MBD5: variants seen among roughly 807,000 people sequenced by gnomAD.
MBD5 encodes the protein methyl-CpG binding domain protein 5.
A neutral mutation model predicts 117.3 loss-of-function variants in MBD5; 13 were observed. The ratio of observed to expected loss-of-function variants is 0.11; its 90% CI spans 0.07 to 0.18. The LOEUF is 0.18. MBD5 is among the 10% of genes least tolerant of loss of function. The pLI is 1.00. For missense variants in MBD5, 1,879 were observed against 2,093.8 expected, an observed-to-expected ratio of 0.90 and a Z score of 2.00; for synonymous variants, 727 against 766.4, an observed-to-expected ratio of 0.95 and a Z score of 0.85.
At chr2:148,062,069 C>T (rs1281824629) in intron 1 of MBD5, 1 of 151,682 alleles carries the variant, frequency 6.6e-6, no homozygotes, top group African/African-American at 2.4e-5. Context: ...GTCATGATGT[C>T]TGAAAATATT....
At chr2:148,162,535 A>T (rs1698031183) in intron 1 of MBD5, among the ~76,000 whole-genome samples, 1 of 152,212 alleles carries the variant, frequency 6.6e-6, no homozygotes, top group African/African-American at 2.4e-5. Flanking sequence ...TTTGAGATTT[A>T]AAATATTTAG....
At chr2:148,245,204 G>C (rs1700307998) in intron 3 of MBD5, among the ~76,000 whole-genome samples, 1 of 152,114 alleles carries the variant, frequency 6.6e-6, no homozygotes, top group Non-Finnish European at 1.5e-5. Flanking sequence ...GGGAAACATA[G>C]TGAGACCCTG....
At chr2:148,372,781 T>A (rs1164078537) in intron 4 of MBD5, among the ~76,000 whole-genome samples, 1 of 151,984 alleles carries the variant, frequency 6.6e-6, no homozygotes, top group Admixed American at 6.6e-5. Flanking sequence ...TATAGTGGGC[T>A]CAAGAAACTC....
intron 2 of MBD5, among the ~76,000 whole-genome samples, chr2:148,214,750 T>G (rs1396952539): frequency 6.6e-6 from 1 of 152,122 alleles, no homozygotes; most frequent in East Asian, 1.9e-4. Flanking sequence ...TCGGTTGTGA[T>G]TAGGTAATGT....
rs1012784664 is a variant in MBD5, at chr2:148,152,514, G to C, written c.-924-26186G>C. 3.2e-4 allele frequency among the ~76,000 whole-genome samples: 49 copies of C among 151,662 alleles called. 1 individual carries two copies. The highest frequency in any genetic ancestry group is 1.1e-3 in the African/African-American group (45 of 41,330). ...ATCCTTGTTGACTTTCTGTCTCGTTGATCTGTCTAATGTTGACAGTGGGGT... is the reference window on the plus strand; with the variant it reads ...ATCCTTGTTGACTTTCTGTCTCGTTCATCTGTCTAATGTTGACAGTGGGGT... On this transcript the variant is annotated intron_variant, in intron 1 of 13. Coordinates refer to ENST00000642680, the MANE Select transcript of MBD5 (RefSeq NM_001378120.1).
intron 1 of MBD5, among the ~76,000 whole-genome samples, chr2:148,153,348 C>T (rs1257129954): frequency 6.6e-6 from 1 of 152,004 alleles, no homozygotes; most frequent in Non-Finnish European, 1.5e-5. Flanking sequence ...GGAAAACTGA[C>T]CTTTCTCTCT....
chr2:148,353,362 A>G (rs1393602562), intron 4 of MBD5, among the ~76,000 whole-genome samples: 1 of 152,124 alleles, frequency 6.6e-6, no homozygotes, highest in African/African-American at 2.4e-5. Context: ...CTTTGGCCCA[A>G]ATTTTCCCAT....
rs867742698 is a variant in MBD5, at chr2:148,345,582, T to A, written c.-557+3246T>A. ...GTATATACACGTATACACATACATATGTATATACACGTATACACATACATA... is the reference window on the plus strand; with the variant it reads ...GTATATACACGTATACACATACATAAGTATATACACGTATACACATACATA... On this transcript the variant is annotated intron_variant, in intron 4 of 13. Coordinates refer to ENST00000642680, the MANE Select transcript of MBD5 (RefSeq NM_001378120.1). Among the ~76,000 whole-genome samples, 3 of 75,516 alleles carry A rather than the reference T, an allele frequency of 4.0e-5. 1 individual carries two copies. The highest frequency in any genetic ancestry group is 8.2e-5 in the Non-Finnish European group (3 of 36,366). 49.5% of individuals were successfully genotyped at this position (75,516 alleles called of 152,430 possible).
At chr2:148,057,081 T>C (rs1347755567) in intron 1 of MBD5, among the ~76,000 whole-genome samples, 1 of 151,798 alleles carries the variant, frequency 6.6e-6, no homozygotes, top group Non-Finnish European at 1.5e-5. Context: ...TTTAATATTT[T>C]TATTTATGCT....
chr2:148,473,384 C>A (rs1047403432), intron 8 of MBD5, among the ~76,000 whole-genome samples: 21 of 152,018 alleles, frequency 1.4e-4, no homozygotes, highest in Non-Finnish European at 2.1e-4. Flanking sequence ...CTAGTCATGT[C>A]ATTCCAAGCA....
At chr2:148,474,709 G>T (rs930067704) in intron 8 of MBD5, among the ~76,000 whole-genome samples, 2 of 152,018 alleles carry the variant, frequency 1.3e-5, no homozygotes, top group African/African-American at 4.8e-5. Context: ...AAATGTTCTT[G>T]AGTATTTATA....
chr2:148,336,204 C>T (rs532211460), intron 3 of MBD5, among the ~76,000 whole-genome samples: 2 of 152,288 alleles, frequency 1.3e-5, no homozygotes, highest in East Asian at 3.9e-4. Flanking sequence ...GATCTTAAAT[C>T]TGTAAAACAT....
chr2:148,348,518 C>T (rs1050009765), intron 4 of MBD5, among the ~76,000 whole-genome samples: 53 of 151,838 alleles, frequency 3.5e-4, no homozygotes, highest in African/African-American at 1.2e-3. Context: ...GAAGTCACAC[C>T]GAATAAATTG....
intron 1 of MBD5, among the ~76,000 whole-genome samples, chr2:148,066,040 C>T (rs935144838): frequency 6.6e-6 from 1 of 152,186 alleles, no homozygotes; most frequent in African/African-American, 2.4e-5. Flanking sequence ...TTGGGCCAGG[C>T]ACGGTGGTTT....
intron 4 of MBD5, among the ~76,000 whole-genome samples, chr2:148,344,059 A>G (rs901855158): frequency 1.9e-4 from 29 of 152,028 alleles, no homozygotes; most frequent in Non-Finnish European, 7.4e-5. Context: ...ATCACCATGT[A>G]TTGAATAGGG....
At chr2:148,307,097 C>T (rs1701912291) in intron 3 of MBD5, among the ~76,000 whole-genome samples, 1 of 152,042 alleles carries the variant, frequency 6.6e-6, no homozygotes, top group Non-Finnish European at 1.5e-5. Context: ...TAAATGGGAT[C>T]ACAGGTCACT....
At chr2:148,509,221 A>T (rs1210029498) in intron 12 of MBD5, among the ~76,000 whole-genome samples, 4 of 152,218 alleles carry the variant, frequency 2.6e-5, no homozygotes, top group Admixed American at 6.5e-5. Context: ...ATGAGTAATT[A>T]TTTATTGCAT....
Position 148,490,000 on chromosome 2 carries a change from C to T in MBD5, c.4368C>T (p.His1456=), listed in dbSNP as rs1574485237. The change falls in exon 11 of 14, where the codon CAC becomes CAT. Residue 1456 remains histidine (H), a synonymous_variant. Coordinates refer to ENST00000642680, the MANE Select transcript of MBD5 (RefSeq NM_001378120.1). ...EEFLDHPGHI[H]SSPCHERPNN... is the part of the protein sequence containing the mutation. Reference sequence around the variant, plus strand: ...TTTTAGATCATCCAGGCCATATCCACAGTAGTCCTTGTCATGAAAGGCCCA... The same window carrying T: ...TTTTAGATCATCCAGGCCATATCCATAGTAGTCCTTGTCATGAAAGGCCCA... 1 of 1,614,030 alleles carries T rather than the reference C, an allele frequency of 6.2e-7. No homozygotes were observed. Among genetic ancestry groups the T allele is most frequent in the Non-Finnish European group, 8.5e-7 (1 of 1,180,024 alleles).
At chr2:148,125,472 C>T (rs1054254405) in intron 1 of MBD5, among the ~76,000 whole-genome samples, 2 of 152,106 alleles carry the variant, frequency 1.3e-5, no homozygotes, top group Admixed American at 6.6e-5. Flanking sequence ...ATTTATTCCT[C>T]ATATTACCTT....
Sources: allele counts gnomAD v4.1 joint callset (sites outside exome capture counted in the v4.1 genomes callset), GRCh38; gene constraint gnomAD v4.1.1; transcripts MANE v1.5; gene names NCBI Gene and HGNC (gene_info 2026-07-23, HGNC 2026-07-21).